The following ENO4 variants were observed in gnomAD, a reference collection of about 807,000 sequenced individuals.
The protein encoded by ENO4 is enolase 4, also known as 2-phospho-D-glycerate hydro-lyase.
A neutral mutation model predicts 63.2 loss-of-function variants in ENO4; 53 were observed. That is an observed-to-expected ratio of 0.84 (90% confidence interval 0.67 to 1.05). The LOEUF is 1.05. Ranked by LOEUF, ENO4 falls within the 50% of genes least tolerant of loss-of-function variation. The pLI is 0.00. For missense variants in ENO4, 719 were observed against 772.0 expected (o/e 0.93, Z 0.81); for synonymous variants, 266 against 283.8 (o/e 0.94, Z 0.63).
intron 1 of ENO4, among the ~76,000 whole-genome samples, chr10:116,853,787 TCTTG>T (rs1421190033): frequency 2.6e-5 from 4 of 152,146 alleles, no homozygotes; most frequent in African/African-American, 9.7e-5. Flanking sequence ...GAAAATGAGC[TCTTG>T]CTTAATACTT....
At chr10:116,860,583 A>G (rs757068262) in intron 4 of ENO4, among the ~76,000 whole-genome samples, 4 of 152,238 alleles carry the variant, frequency 2.6e-5, no homozygotes, top group Non-Finnish European at 4.4e-5. Flanking sequence ...AATTAATATT[A>G]AATGGCCTAA....
chr10:116,849,571 A>G lies in ENO4; in HGVS notation c.5A>G (p.Glu2Gly). The change falls in exon 1 of 14, where the codon GAG (glutamate) becomes GGG (glycine). Residue 2 changes from glutamate (E) to glycine (G), a missense_variant. Transcript: ENST00000341276. The stretch of plus-strand genomic sequence containing the variant: ...TGTAGCCTTAAATCTCCTACCATGG[A>G]GGAAGAAGGCGGCGGCCGCAGCTGT... M[E>G]EEGGGRSCGT... 1 of 1,540,708 alleles carries G rather than the reference A, an allele frequency of 6.5e-7. No homozygotes were observed. The highest frequency in any genetic ancestry group is 8.8e-7 in the Non-Finnish European group (1 of 1,142,316).
intron 3 of ENO4, among the ~76,000 whole-genome samples, chr10:116,857,505 T>G (rs936257546): frequency 6.6e-6 from 1 of 152,230 alleles, no homozygotes; most frequent in African/African-American, 2.4e-5. Flanking sequence ...TTTTCCTGTT[T>G]GTGCAGGTCC....
At chr10:116,866,718 T>C (rs1201655995) in intron 7 of ENO4, among the ~76,000 whole-genome samples, 4 of 151,758 alleles carry the variant, frequency 2.6e-5, no homozygotes, top group Non-Finnish European at 5.9e-5. Context: ...GGTGGGAGGA[T>C]TGCTTGAGCC....
Position 116,849,518 on chromosome 10 carries a change from G to A in ENO4, c.-49G>A, listed in dbSNP as rs763981512. 200 of 1,452,388 alleles carry A rather than the reference G, an allele frequency of 1.4e-4. No homozygotes were observed. Among genetic ancestry groups the A allele is most frequent in the East Asian group, 7.8e-5 (3 of 38,552 alleles). 90.0% of individuals were successfully genotyped at this position (1,452,388 alleles called of 1,614,324 possible). ...TGCGTTGCCTAGCGACAGCAGGGAC[G>A]CTCGTGGGACCCCAGGCTAAACCCC... On this transcript the variant is annotated 5_prime_UTR_variant, in exon 1 of 14. Transcript: ENST00000341276.
intron 7 of ENO4, among the ~76,000 whole-genome samples, chr10:116,867,389 T>C (rs915011777): frequency 7.2e-6 from 1 of 139,420 alleles, no homozygotes; most frequent in East Asian, 2.1e-4. Flanking sequence ...CTGGGCAACA[T>C]AGTGAGACCC....
chr10:116,879,957 AG>A lies in ENO4; in HGVS notation c.1696del (p.Glu566LysfsTer49). ...AAATACAACCGCCTTCTCACTATAG[AG>A]GAAGAACTTGTCCAGAATGGAACAC... ...VTKYNRLLTIEEELVQNGTLG... is the reference protein window; with the variant it reads ...VTKYNRLLTIXEELVQNGTLG... On this transcript the variant is annotated frameshift_variant, in exon 13 of 14. Transcript: ENST00000341276. LOFTEE classifies it low-confidence loss of function (END_TRUNC). 5.2e-6 allele frequency: 8 copies of A among 1,550,806 alleles called. No individual in the cohort carries two copies. The highest frequency in any genetic ancestry group is 7.0e-6 in the Non-Finnish European group (8 of 1,146,988).
chr10:116,860,753 A>G, intron 4 of ENO4, 41 bp from the exon 5 acceptor site: 1 of 1,277,054 alleles, frequency 7.8e-7, no homozygotes, highest in East Asian at 2.8e-5. Context: ...TAAGTAAAGC[A>G]TTTAGAAATA....
downstream of ENO4, chr10:116,911,906 T>C: frequency 1.7e-6 from 2 of 1,182,874 alleles, no homozygotes; most frequent in African/African-American, 1.5e-5. Flanking sequence ...TAAACAATGA[T>C]TTTTACATGG....
intron 10 of ENO4, among the ~76,000 whole-genome samples, chr10:116,891,635 AG>A (rs1847345482): frequency 6.6e-6 from 1 of 152,188 alleles, no homozygotes; most frequent in African/African-American, 2.4e-5. Context: ...CCCTTTATAC[AG>A]TTACTGCAGT....
chr10:116,867,421 C>CAAA (rs35426438), intron 7 of ENO4, among the ~76,000 whole-genome samples: 2,568 of 137,662 alleles, frequency 0.019, 43 homozygotes, highest in South Asian at 0.05. Context: ...AAATATTTAC[C>CAAA]AAAAAAAAAA....
At chr10:116,909,365 T>C (rs1321875863) in intron 10 of ENO4, among the ~76,000 whole-genome samples, 1 of 152,176 alleles carries the variant, frequency 6.6e-6, no homozygotes, top group Non-Finnish European at 1.5e-5. Context: ...ACTGAAGATG[T>C]CTGGAAAAGA....
chr10:116,880,542 T>C (rs955606042), intron 13 of ENO4, among the ~76,000 whole-genome samples: 2 of 152,194 alleles, frequency 1.3e-5, no homozygotes, highest in Non-Finnish European at 2.9e-5. Context: ...CTTATATTAC[T>C]GATTGTGATG....
chr10:116,901,983 TTTAATAATTCTG>T, intron 10 of ENO4: 1 of 1,554,632 alleles, frequency 6.4e-7, no homozygotes, highest in Non-Finnish European at 8.7e-7. Context: ...ATACCTCAAG[TTTAATAATTCTG>T]TATGATGCTT....
intron 10 of ENO4, among the ~76,000 whole-genome samples, chr10:116,888,120 T>C (rs1589773789): frequency 6.6e-6 from 1 of 152,210 alleles, no homozygotes. Flanking sequence ...TTGGAGGTGG[T>C]AAAAACAAAA....
chr10:116,883,988 C>A (rs553769828), downstream of ENO4: 4 of 224,830 alleles, frequency 1.8e-5, no homozygotes, highest in Non-Finnish European at 3.7e-5. Context: ...CTGTTCCTCA[C>A]TCGGGCTATA....
intron 8 of ENO4, among the ~76,000 whole-genome samples, chr10:116,869,478 C>A (rs1846632715): frequency 6.6e-6 from 1 of 151,886 alleles, no homozygotes; most frequent in East Asian, 1.9e-4. Flanking sequence ...AAAAGAGGGG[C>A]TAGGAAAGAA....
chr10:116,899,617 C>T (rs1196050450), intron 10 of ENO4, among the ~76,000 whole-genome samples: 2 of 151,998 alleles, frequency 1.3e-5, no homozygotes, highest in East Asian at 3.9e-4. Flanking sequence ...TTGGCATCCT[C>T]CCTTGACCTT....
chr10:116,904,216 T>G (rs1487504171), intron 10 of ENO4, among the ~76,000 whole-genome samples: 1 of 152,142 alleles, frequency 6.6e-6, no homozygotes, highest in African/African-American at 2.4e-5. Flanking sequence ...CCTATCCAAC[T>G]CCTCACCTCT....
Sources: allele counts gnomAD v4.1 joint callset (sites outside exome capture counted in the v4.1 genomes callset), GRCh38; gene constraint gnomAD v4.1.1; transcripts MANE v1.5; gene names NCBI Gene and HGNC (gene_info 2026-07-23, HGNC 2026-07-21).